Variants in TTC28 observed in about 807,000 individuals in gnomAD.
The protein encoded by TTC28 is tetratricopeptide repeat domain 28.
A neutral mutation model predicts 198.0 loss-of-function variants in TTC28; 61 were observed. That is an observed-to-expected ratio of 0.31 (90% CI 0.25 to 0.38). The LOEUF is 0.38. Among genes scored for constraint, TTC28 ranks in the 10% least tolerant of loss-of-function variants. The pLI, the probability that TTC28 is intolerant of heterozygous loss-of-function variation, is 1.00. For missense variants in TTC28, 2,678 were observed against 3,164.0 expected, an observed-to-expected ratio of 0.85 and a Z score of 3.69; for synonymous variants, 1,171 against 1,297.8, an observed-to-expected ratio of 0.90 and a Z score of 2.10.
At chr22:28,191,113 T>C (rs763632367) in intron 5 of TTC28, among the ~76,000 whole-genome samples, 5 of 152,210 alleles carry the variant, frequency 3.3e-5, no homozygotes, top group Non-Finnish European at 7.3e-5. Flanking sequence ...TCTTGTTCTC[T>C]GAACATCCAC....
intron 2 of TTC28, among the ~76,000 whole-genome samples, chr22:28,359,348 A>C (rs192873097): frequency 2.0e-5 from 3 of 152,274 alleles, no homozygotes; most frequent in Non-Finnish European, 2.9e-5. Flanking sequence ...CATTTACACA[A>C]CCTTTGTCTG....
intron 2 of TTC28, among the ~76,000 whole-genome samples, chr22:28,472,552 A>ATGTGTGTGTG (rs3053555): frequency 1.6e-4 from 18 of 114,836 alleles, no homozygotes; most frequent in South Asian, 8.9e-4. Flanking sequence ...GAAAATGTGT[A>ATGTGTGTGTG]TGTGTGTGTG....
Position 28,128,286 on chromosome 22 carries a change from C to A in TTC28, c.1442-19883G>T, listed in dbSNP as rs575135003. On this transcript the variant is annotated intron_variant, in intron 6 of 22. Coordinates refer to ENST00000397906, the MANE Select transcript of TTC28 (RefSeq NM_001145418.2). The stretch of plus-strand genomic sequence containing the variant: ...TGAGCCGAGATTGCGCCATTACACT[C>A]CAGCCTGGGCAACAGAGCAAGACTC... 7.9e-5 allele frequency among the ~76,000 whole-genome samples: 12 copies of A among 152,036 alleles called. No homozygotes were observed. The South Asian group carries it at 2.5e-3, about 32-fold the overall frequency.
At chr22:28,096,548 G>T in intron 10 of TTC28, 140 bp from the exon 11 acceptor site, 1 of 893,838 alleles carries the variant, frequency 1.1e-6, no homozygotes. Context: ...CAGTCACACT[G>T]CTTCAGATTC....
chr22:28,186,205 T>C (rs192560233), intron 5 of TTC28, among the ~76,000 whole-genome samples: 41 of 152,356 alleles, frequency 2.7e-4, no homozygotes, highest in Admixed American at 1.7e-3. Flanking sequence ...TACCATTTTT[T>C]ACTGCCTCCC....
chr22:28,446,216 G>A (rs2047698184), intron 2 of TTC28, among the ~76,000 whole-genome samples: 2 of 141,674 alleles, frequency 1.4e-5, no homozygotes, highest in African/African-American at 5.3e-5. Context: ...ACAGTGCCTG[G>A]AACAGATACT....
At chr22:28,150,857 C>T (rs182823844) in intron 6 of TTC28, among the ~76,000 whole-genome samples, 3 of 152,242 alleles carry the variant, frequency 2.0e-5, no homozygotes, top group African/African-American at 7.2e-5. Context: ...AAAGAACAGC[C>T]GAAGGTAGGG....
At chr22:28,012,619 C>A (rs1938205663) in intron 14 of TTC28, among the ~76,000 whole-genome samples, 3 of 152,176 alleles carry the variant, frequency 2.0e-5, no homozygotes, top group South Asian at 4.1e-4. Flanking sequence ...TTAAGCGATC[C>A]TCCTACCTCA....
chr22:28,334,689 T>C (rs2045678249), intron 2 of TTC28, among the ~76,000 whole-genome samples: 1 of 152,186 alleles, frequency 6.6e-6, no homozygotes, highest in South Asian at 2.1e-4. Flanking sequence ...ACCCACTTGT[T>C]AATGGGGTTA....
At chr22:27,988,589 G>C (rs1937293221) in intron 21 of TTC28, among the ~76,000 whole-genome samples, 1 of 152,084 alleles carries the variant, frequency 6.6e-6, no homozygotes, top group East Asian at 1.9e-4. Context: ...CACCCGGCAG[G>C]AAAGAAGCAT....
At chr22:28,300,491 T>C (rs1029265344) in intron 3 of TTC28, among the ~76,000 whole-genome samples, 5 of 152,060 alleles carry the variant, frequency 3.3e-5, no homozygotes, top group Admixed American at 3.3e-4. Context: ...AAATTTTCAC[T>C]AGATGAAAAT....
rs571350284 is a variant in TTC28, at chr22:28,412,139, C to T, written c.382-105496G>A. ...ACAGGTTCTCCAAATATATGCCTTG[C>T]TAAAGGACACAAAACTGCCTTCAGA... is the stretch of plus-strand genomic sequence containing the variant. On this transcript the variant is annotated intron_variant, in intron 2 of 22. Coordinates refer to ENST00000397906, the MANE Select transcript of TTC28 (RefSeq NM_001145418.2). Among the ~76,000 whole-genome samples, 27 of 152,308 alleles carry T rather than the reference C, an allele frequency of 1.8e-4. No homozygotes were observed. The South Asian group carries it at 5.4e-3, about 30-fold the overall frequency.
chr22:27,991,722 C>A (rs890191341), intron 19 of TTC28, among the ~76,000 whole-genome samples: 1 of 152,208 alleles, frequency 6.6e-6, no homozygotes, highest in Non-Finnish European at 1.5e-5. Context: ...CCACAGCTGT[C>A]CCCCCAGGGG....
At chr22:28,358,231 C>T (rs2046107420) in intron 2 of TTC28, among the ~76,000 whole-genome samples, 1 of 152,174 alleles carries the variant, frequency 6.6e-6, no homozygotes, top group African/African-American at 2.4e-5. Flanking sequence ...ACAGCACCGA[C>T]CCTTCACACT....
At chr22:28,258,583 A>T (rs1931113771) in intron 5 of TTC28, among the ~76,000 whole-genome samples, 2 of 152,148 alleles carry the variant, frequency 1.3e-5, no homozygotes, top group Admixed American at 1.3e-4. Context: ...AAAACCGGCA[A>T]GTTATCTGAA....
intron 2 of TTC28, among the ~76,000 whole-genome samples, chr22:28,618,167 T>C (rs1205392872): frequency 6.6e-6 from 1 of 151,744 alleles, no homozygotes; most frequent in Non-Finnish European, 1.5e-5. Context: ...CCTAGATACT[T>C]GGGAAGCTGA....
In TTC28 at chr22:28,107,177, G is replaced by A. The variant is rs1245838214; in HGVS notation, c.2668C>T (p.Leu890=). ...YGNLGDCYEA[L]GDYEEAIKYY... ...TTGATAGCTTCCTCATAGTCACCCA[G>A]GGCTTCGTAGCAATCCCCCAGGTTG... is the stretch of plus-strand genomic sequence containing the variant. The change falls in exon 7 of 23, where the codon CTG becomes TTG. Residue 890 remains leucine (L), a synonymous_variant. Coordinates refer to ENST00000397906, the MANE Select transcript of TTC28 (RefSeq NM_001145418.2). The A allele has an allele frequency of 6.4e-7, 1 of 1,551,590 alleles. No homozygotes were observed. The highest frequency in any genetic ancestry group is 1.4e-5 in the African/African-American group (1 of 73,044).
chr22:28,163,353 C>T lies in TTC28; in HGVS notation c.1180G>A (p.Ala394Thr), dbSNP rs887275114. 2 of 1,551,962 alleles carry T rather than the reference C, an allele frequency of 1.3e-6. No individual in the cohort carries two copies. The highest frequency in any genetic ancestry group is 1.7e-6 in the Non-Finnish European group (2 of 1,147,094). Residue 394 changes from alanine (A) to threonine (T), a missense_variant, in exon 6 of 23, where the codon GCC becomes ACC. Coordinates refer to ENST00000397906, the MANE Select transcript of TTC28 (RefSeq NM_001145418.2). ...AKDLGNKREE[A>T]RAYSNLGSAY... ...CTGCCCAGGTTGCTATAAGCCCGGG[C>T]CTCTTCTCGCTTGTTCCCCAGGTCC...
intron 6 of TTC28, among the ~76,000 whole-genome samples, chr22:28,160,272 G>A (rs560962905): frequency 6.6e-6 from 1 of 152,312 alleles, no homozygotes; most frequent in African/African-American, 2.4e-5. Context: ...CATTCTCCAT[G>A]ATATGATTAT....
Sources: allele counts gnomAD v4.1 joint callset (sites outside exome capture counted in the v4.1 genomes callset), GRCh38; gene constraint gnomAD v4.1.1; transcripts MANE v1.5; gene names NCBI Gene and HGNC (gene_info 2026-07-23, HGNC 2026-07-21).